The following CDH8 variants were observed in gnomAD, a reference collection of about 807,000 sequenced individuals.
The protein encoded by CDH8 is cadherin-8.
Under a neutral mutation model 68.1 loss-of-function variants are expected in CDH8, and 17 were observed. That is an observed-to-expected ratio of 0.25 (90% confidence interval 0.17 to 0.37). The LOEUF (loss-of-function observed/expected upper bound fraction) is 0.37. CDH8 is among the 10% of genes least tolerant of loss of function. CDH8 has a pLI of 1.00. For synonymous variants in CDH8, 372 were observed against 365.1 expected, an observed-to-expected ratio of 1.02 and a Z score of -0.21; for missense variants, 763 against 999.3, an observed-to-expected ratio of 0.76 and a Z score of 3.19.
intron 10 of CDH8, among the ~76,000 whole-genome samples, chr16:61,704,713 T>C (rs1005898061): frequency 6.6e-6 from 1 of 152,232 alleles, no homozygotes; most frequent in Non-Finnish European, 1.5e-5. Context: ...TCTCTGTTAA[T>C]TGGTGGACTT....
intron 2 of CDH8, among the ~76,000 whole-genome samples, chr16:61,975,392 C>T (rs980800440): frequency 1.9e-4 from 29 of 152,262 alleles, no homozygotes; most frequent in African/African-American, 6.7e-4. Flanking sequence ...CCACCTACTA[C>T]CCAGATTTAG....
chr16:61,671,334 G>A (rs1963789669), intron 10 of CDH8, among the ~76,000 whole-genome samples: 1 of 151,820 alleles, frequency 6.6e-6, no homozygotes, highest in Admixed American at 6.6e-5. Flanking sequence ...TAATGGCTTG[G>A]ATCAAGCCGT....
chr16:61,834,357 C>T (rs1962523235), intron 4 of CDH8, among the ~76,000 whole-genome samples: 1 of 151,780 alleles, frequency 6.6e-6, no homozygotes, highest in South Asian at 2.1e-4. Flanking sequence ...CCATCACAGC[C>T]TGAGTCACAT....
At chr16:61,750,720 C>T (rs1960138649) in intron 8 of CDH8, among the ~76,000 whole-genome samples, 1 of 152,070 alleles carries the variant, frequency 6.6e-6, no homozygotes, top group Admixed American at 6.6e-5. Context: ...AAAAATGCCA[C>T]CAATGAGTTC....
intron 8 of CDH8, among the ~76,000 whole-genome samples, chr16:61,736,464 T>G (rs938818580): frequency 6.6e-6 from 1 of 152,240 alleles, no homozygotes; most frequent in Non-Finnish European, 1.5e-5. Flanking sequence ...TGTTTCATTT[T>G]GTTTAGCCCT....
At chr16:61,991,887 A>T (rs904325027) in intron 2 of CDH8, among the ~76,000 whole-genome samples, 1 of 152,144 alleles carries the variant, frequency 6.6e-6, no homozygotes, top group Admixed American at 6.6e-5. Flanking sequence ...GATTGCTAAA[A>T]CTGGTCATTT....
chr16:61,913,621 G>A (rs1248751113), intron 2 of CDH8, among the ~76,000 whole-genome samples: 1 of 152,058 alleles, frequency 6.6e-6, no homozygotes, highest in African/African-American at 2.4e-5. Context: ...TTGTGTGTGT[G>A]TGCATGTGTA....
intron 3 of CDH8, among the ~76,000 whole-genome samples, chr16:61,860,693 A>G (rs1048147374): frequency 6.6e-6 from 1 of 152,208 alleles, no homozygotes; most frequent in African/African-American, 2.4e-5. Flanking sequence ...GAATCTGAGA[A>G]TTTAGTTCCA....
intron 3 of CDH8, among the ~76,000 whole-genome samples, chr16:61,881,004 T>A (rs1171571598): frequency 6.6e-6 from 1 of 151,958 alleles, no homozygotes; most frequent in Non-Finnish European, 1.5e-5. Context: ...AGTCCAACCA[T>A]CTACCAAGAT....
chr16:62,007,317 T>C (rs1476940508), intron 2 of CDH8, among the ~76,000 whole-genome samples: 1 of 152,194 alleles, frequency 6.6e-6, no homozygotes, highest in Admixed American at 6.5e-5. Flanking sequence ...AGTCTGTAAG[T>C]AGAAAGCATG....
At chr16:61,828,763 T>A (rs1483328429) in intron 4 of CDH8, among the ~76,000 whole-genome samples, 4 of 151,832 alleles carry the variant, frequency 2.6e-5, no homozygotes, top group African/African-American at 9.7e-5. Context: ...TTTGTCTTAG[T>A]CTTAACCTTA....
chr16:61,797,877 C>G (rs1225810317), intron 7 of CDH8, among the ~76,000 whole-genome samples: 1 of 152,124 alleles, frequency 6.6e-6, no homozygotes, highest in Non-Finnish European at 1.5e-5. Context: ...AAATATAGAA[C>G]TCTCAGATTC....
chr16:61,903,478 G>C (rs1423291720), intron 2 of CDH8, among the ~76,000 whole-genome samples: 3 of 151,950 alleles, frequency 2.0e-5, no homozygotes, highest in African/African-American at 7.2e-5. Flanking sequence ...CGCCCGCCAC[G>C]GCGCCCGGCT....
intron 4 of CDH8, among the ~76,000 whole-genome samples, chr16:61,827,144 A>T (rs1962355503): frequency 6.6e-6 from 1 of 151,878 alleles, no homozygotes; most frequent in African/African-American, 2.4e-5. Flanking sequence ...CAAGATAGCT[A>T]CTCTGCTATG....
intron 10 of CDH8, among the ~76,000 whole-genome samples, chr16:61,699,989 A>AT (rs1238757287): frequency 1.3e-5 from 2 of 152,184 alleles, no homozygotes; most frequent in Non-Finnish European, 2.9e-5. Flanking sequence ...AGATATATAT[A>AT]TTTTATGTTG....
intron 6 of CDH8, chr16:61,818,130 G>A (rs1369918): frequency 0.54 from 87,714 of 163,666 alleles, 26,166 homozygotes; most frequent in African/African-American, 0.83. Flanking sequence ...CACAATCTCT[G>A]TCTGGGAAGA....
chr16:61,824,256 G>A (rs112060020), intron 5 of CDH8, among the ~76,000 whole-genome samples: 15 of 151,866 alleles, frequency 9.9e-5, no homozygotes, highest in African/African-American at 3.6e-4. Context: ...TAGACACAGG[G>A]CTTTTAAACA....
chr16:61,950,986 C>G (rs916098564), intron 2 of CDH8, among the ~76,000 whole-genome samples: 1 of 151,856 alleles, frequency 6.6e-6, no homozygotes, highest in Admixed American at 6.6e-5. Flanking sequence ...ATACAACAAC[C>G]CCCCATGACA....
intron 8 of CDH8, 35 bp from the exon 9 acceptor site, chr16:61,727,250 G>A (rs777400821): frequency 6.4e-7 from 1 of 1,554,970 alleles, no homozygotes; most frequent in Non-Finnish European, 8.7e-7. Flanking sequence ...AGCATTGAGG[G>A]TATTTCATTT....
Sources: allele counts gnomAD v4.1 joint callset (sites outside exome capture counted in the v4.1 genomes callset), GRCh38; gene constraint gnomAD v4.1.1; transcripts MANE v1.5; gene names NCBI Gene and HGNC (gene_info 2026-07-23, HGNC 2026-07-21).